Variants in CCM2L observed in about 807,000 individuals in gnomAD.
CCM2L encodes the protein CCM2 like scaffold protein.
Under a neutral mutation model 54.1 loss-of-function variants are expected in CCM2L, and 36 were observed. That is an observed-to-expected ratio of 0.67 (90% CI 0.51 to 0.88). The LOEUF (loss-of-function observed/expected upper bound fraction) is 0.88, where lower values mean the gene tolerates loss of function less well. CCM2L is among the 40% of genes least tolerant of loss of function. CCM2L has a pLI of 0.00. For synonymous variants in CCM2L, 351 were observed against 359.3 expected (o/e 0.98, Z 0.26); for missense variants, 700 against 812.1 (o/e 0.86, Z 1.68).
intron 1 of CCM2L, among the ~76,000 whole-genome samples, chr20:32,012,615 C>G (rs2064704046): frequency 6.6e-6 from 1 of 152,128 alleles, no homozygotes. Context: ...CAGATGGGAG[C>G]TTGGTAGAAA....
At position 32,018,110 on chromosome 20, in the gene CCM2L, C is replaced by T. The variant is rs1039062387; in HGVS notation, c.414C>T (p.Ala138=). ...TGCGAATCCCTACGCACGAGATCGC[C>T]GCCGCCTCCTACCTGCAGGACGACG... ...LILRIPTHEI[A]AASYLQDDAL... The change falls in exon 4 of 10, where the codon GCC becomes GCT. Residue 138 remains alanine, a synonymous_variant. Coordinates refer to ENST00000452892, the MANE Select transcript of CCM2L (RefSeq NM_001365692.1). 6.2e-7 allele frequency: 1 copy of T among 1,610,440 alleles called. No individual in the cohort carries two copies. Among genetic ancestry groups the T allele is most frequent in the South Asian group, 1.1e-5 (1 of 90,756 alleles).
intron 1 of CCM2L, 128 bp from the exon 2 acceptor site, chr20:32,014,775 CT>C: frequency 2.3e-6 from 2 of 872,904 alleles, no homozygotes; most frequent in East Asian, 5.9e-5. Context: ...TAAAATGGGA[CT>C]TACAGAGGTA....
chr20:32,014,457 G>T (rs1278013564), intron 1 of CCM2L, among the ~76,000 whole-genome samples: 1 of 151,846 alleles, frequency 6.6e-6, no homozygotes, highest in Non-Finnish European at 1.5e-5. Context: ...GTAGAGTCAG[G>T]GTTTCACCAT....
chr20:32,029,930 T>A (rs2064905340), intron 9 of CCM2L, 92 bp downstream of exon 9: 1 of 1,375,478 alleles, frequency 7.3e-7, no homozygotes, highest in Non-Finnish European at 9.6e-7. Context: ...TGTTTTCTCC[T>A]TATCTTTCAG....
At chr20:32,011,299 A>T (rs1488060375) in intron 1 of CCM2L, among the ~76,000 whole-genome samples, 1 of 152,192 alleles carries the variant, frequency 6.6e-6, no homozygotes, top group Non-Finnish European at 1.5e-5. Flanking sequence ...GCAATAAATA[A>T]GTTAATGTAA....
Position 32,019,411 on chromosome 20 carries a change from T to C in CCM2L, c.933+2T>C. 1.3e-6 allele frequency: 2 copies of C among 1,513,166 alleles called. No homozygotes were observed. The highest frequency in any genetic ancestry group is 1.8e-6 in the Non-Finnish European group (2 of 1,137,796). 93.7% of individuals were successfully genotyped at this position (1,513,166 alleles called of 1,614,324 possible). A position where few individuals can be genotyped will look rare whatever the true frequency, so the allele number is the denominator to read the frequency against. On this transcript the variant is annotated splice_donor_variant, in intron 5 of 9. Coordinates refer to ENST00000452892, the MANE Select transcript of CCM2L (RefSeq NM_001365692.1). LOFTEE classifies it high-confidence loss of function. ...GTCATCCTGGCTGTAGCCAACAGGG[T>C]GAGCCCGAGGGCAGCCTGCTCCCAA...
chr20:32,011,799 A>G (rs2064697769), intron 1 of CCM2L, among the ~76,000 whole-genome samples: 1 of 151,746 alleles, frequency 6.6e-6, no homozygotes, highest in Non-Finnish European at 1.5e-5. Flanking sequence ...CTGAAGGAGG[A>G]CTGTGTAGTG....
At chr20:32,017,360 A>G (rs779696327) in intron 2 of CCM2L, among the ~76,000 whole-genome samples, 5 of 152,198 alleles carry the variant, frequency 3.3e-5, no homozygotes, top group Admixed American at 6.5e-5. Flanking sequence ...TGGGGTAGAG[A>G]GAGCCACTCA....
chr20:32,025,085 CTCTT>C (rs1238457058), intron 6 of CCM2L, among the ~76,000 whole-genome samples: 6 of 141,412 alleles, frequency 4.2e-5, no homozygotes, highest in Non-Finnish European at 1.5e-5. Context: ...CTTTCTTTCT[CTCTT>C]TCTTTTCTTT....
chr20:32,028,853 G>A (rs1179783487), intron 7 of CCM2L, 142 bp from the exon 8 acceptor site: 2 of 1,024,346 alleles, frequency 2.0e-6, no homozygotes, highest in African/African-American at 1.6e-5. Context: ...TGACAGATGA[G>A]ACTTGAGAGG....
At chr20:32,022,024 T>C (rs1341685251) in intron 5 of CCM2L, among the ~76,000 whole-genome samples, 2 of 152,202 alleles carry the variant, frequency 1.3e-5, no homozygotes, top group Non-Finnish European at 2.9e-5. Flanking sequence ...GAAGACAGTG[T>C]CTTCATCAAT....
rs755396923 is a variant in CCM2L, at chr20:32,031,231, G to T, written c.1633G>T (p.Ala545Ser). The change falls in exon 10 of 10, where the codon GCC becomes TCC. Residue 545 changes from alanine (A) to serine (S), a missense_variant. Ala to Ser is a moderately conservative substitution (Grantham distance 99). Coordinates refer to ENST00000452892, the MANE Select transcript of CCM2L (RefSeq NM_001365692.1). The stretch of plus-strand genomic sequence containing the variant: ...CATCACGCACGACATCGAGGCGCTG[G>T]CCCCCGATGACGACGACGACGACGA... The part of the protein sequence containing the change: ...ADITHDIEAL[A>S]PDDDDDDEDE... The T allele has an allele frequency of 8.5e-6, 11 of 1,299,466 alleles. No individual in the cohort carries two copies. Among genetic ancestry groups the T allele is most frequent in the Non-Finnish European group, 1.0e-5 (10 of 988,554 alleles). 80.5% of individuals were successfully genotyped at this position (1,299,466 alleles called of 1,614,324 possible). A position where few individuals can be genotyped will look rare whatever the true frequency, so the allele number is the denominator to read the frequency against.
chr20:32,012,101 CT>C (rs1384189589), intron 1 of CCM2L, among the ~76,000 whole-genome samples: 1 of 152,006 alleles, frequency 6.6e-6, no homozygotes, highest in Non-Finnish European at 1.5e-5. Flanking sequence ...CAGATAGTTT[CT>C]TCTCATTCCT....
chr20:32,022,342 G>A (rs868287609), intron 5 of CCM2L, among the ~76,000 whole-genome samples: 3 of 152,076 alleles, frequency 2.0e-5, no homozygotes, highest in South Asian at 4.1e-4. Context: ...CCCTCACTGG[G>A]CCTCCGTTTC....
intron 8 of CCM2L, 137 bp from the exon 9 acceptor site, chr20:32,029,563 C>T: frequency 4.4e-6 from 5 of 1,126,082 alleles, no homozygotes; most frequent in Non-Finnish European, 6.1e-6. Flanking sequence ...ATCTAGATGT[C>T]CTCTGAATAG....
chr20:32,030,862 C>G (rs17093749), intron 9 of CCM2L, 139 bp from the exon 10 acceptor site: 111,201 of 562,850 alleles, frequency 0.2, 16,683 homozygotes, highest in African/African-American at 0.62. Context: ...CTGGCTCAGA[C>G]AGTTAAGGAC....
Position 32,010,962 on chromosome 20 carries a change from C to T in CCM2L, c.30+478C>T, listed in dbSNP as rs116684319. ...TGCCCCTCCCACCTTTCTACAAGGG[C>T]GTATGTAAGGCGTCAGCCAGAAGCC... On this transcript the variant is annotated intron_variant, in intron 1 of 9. Coordinates refer to ENST00000452892, the MANE Select transcript of CCM2L (RefSeq NM_001365692.1). Among the ~76,000 whole-genome samples, 769 of 152,302 alleles carry T rather than the reference C, an allele frequency of 5.0e-3. 10 individuals carry two copies. Among genetic ancestry groups the T allele is most frequent in the African/African-American group, 0.016 (670 of 41,562 alleles).
At chr20:32,019,460 T>TCCCCCCCCCCCCCCTTC in intron 5 of CCM2L, 51 bp downstream of exon 5, 1 of 1,327,610 alleles carries the variant, frequency 7.5e-7, no homozygotes, top group East Asian at 3.1e-5. Context: ...GAACGCTGCT[T>TCCCCCCCCCCCCCCTTC]CCCCGCCCCC....
At chr20:32,023,513 C>G (rs942549013) in intron 6 of CCM2L, among the ~76,000 whole-genome samples, 1 of 152,208 alleles carries the variant, frequency 6.6e-6, no homozygotes, top group Non-Finnish European at 1.5e-5. Context: ...GAGAATGAGA[C>G]TAATAGAGAC....
Sources: gnomAD v4.1 joint callset for allele counts (sites outside exome capture counted in the v4.1 genomes callset) on GRCh38, gnomAD v4.1.1 for gene constraint, MANE v1.5 for transcripts, NCBI Gene and HGNC (gene_info 2026-07-23, HGNC 2026-07-21) for gene names.